The following FAM228B variants were observed in gnomAD, a reference collection of about 807,000 sequenced individuals.
FAM228B encodes the protein family with sequence similarity 228 member B.
In FAM228B, 38 loss-of-function variants were observed where a neutral mutation model predicts 42.6. The observed-to-expected ratio is 0.89, with a 90% CI of 0.69 to 1.17. FAM228B has a LOEUF of 1.17. Among genes scored for constraint, FAM228B ranks in the 50% most tolerant of loss-of-function variants. The probability of loss-of-function intolerance (pLI) is 0.00; values close to 1 mark genes in which losing one functional copy is unlikely to be tolerated. For missense variants in FAM228B, 344 were observed against 367.3 expected, an observed-to-expected ratio of 0.94 and a Z score of 0.52; for synonymous variants, 109 against 122.3, an observed-to-expected ratio of 0.89 and a Z score of 0.72.
intron 5 of FAM228B, 79 bp downstream of exon 5, chr2:24,139,529 T>A: frequency 1.4e-6 from 1 of 720,828 alleles, no homozygotes; most frequent in Non-Finnish European, 2.3e-6. Flanking sequence ...GAGCAGTCCT[T>A]AAGCGATTCC....
chr2:24,128,719 G>A (rs928669451), intron 2 of FAM228B, among the ~76,000 whole-genome samples: 2 of 151,022 alleles, frequency 1.3e-5, no homozygotes, highest in Non-Finnish European at 2.9e-5. Context: ...TTAAGTACAA[G>A]TGCACAGATT....
chr2:24,082,854 T>C (rs1395120548), intron 2 of FAM228B: 4 of 1,573,918 alleles, frequency 2.5e-6, no homozygotes, highest in African/African-American at 1.3e-5. Context: ...TTGAGCCACA[T>C]TGTGTGGAGT....
At chr2:24,156,783 C>G (rs992479911) in intron 7 of FAM228B, among the ~76,000 whole-genome samples, 20 of 125,602 alleles carry the variant, frequency 1.6e-4, no homozygotes, top group East Asian at 6.0e-4. Flanking sequence ...CGCCCCCCCC[C>G]CCCCAGCTTT....
intron 2 of FAM228B, among the ~76,000 whole-genome samples, chr2:24,128,608 T>A (rs1170645552): frequency 6.6e-6 from 1 of 152,200 alleles, no homozygotes; most frequent in East Asian, 1.9e-4. Flanking sequence ...ATTTTCCTAT[T>A]TCTTTGTATG....
At chr2:24,163,883 G>T (rs1667337485) in intron 8 of FAM228B, among the ~76,000 whole-genome samples, 1 of 152,070 alleles carries the variant, frequency 6.6e-6, no homozygotes, top group African/African-American at 2.4e-5. Flanking sequence ...GGTGGAGAAG[G>T]CATATTTGTC....
intron 2 of FAM228B, among the ~76,000 whole-genome samples, chr2:24,086,675 C>G (rs572824881): frequency 3.3e-5 from 5 of 152,238 alleles, no homozygotes; most frequent in African/African-American, 1.2e-4. Context: ...AAGTTTCTAT[C>G]TGCAATCTGG....
rs940473387 is a variant in FAM228B, at chr2:24,115,743, G to A, written c.-120-19376G>A. 7.6e-6 allele frequency: 7 copies of A among 924,618 alleles called. No individual in the cohort carries two copies. In the East Asian group the frequency reaches 1.0e-4, roughly 13 times the overall value. The allele number at this position is 924,618 out of a possible 1,614,324, so 57.3% of individuals were successfully genotyped here. A position where few individuals can be genotyped will look rare whatever the true frequency, so the allele number is the denominator to read the frequency against. On this transcript the variant is annotated intron_variant, in intron 3 of 10. Transcript: ENST00000613899. The stretch of plus-strand genomic sequence containing the variant: ...GTGCTAGGCACTGTGCTAGGTACTG[G>A]AGAAACAAGGGTGACTGGATAGTTG...
chr2:24,156,771 T>C (rs866660048), intron 7 of FAM228B, among the ~76,000 whole-genome samples: 23 of 132,756 alleles, frequency 1.7e-4, no homozygotes, highest in African/African-American at 6.5e-4. Flanking sequence ...TACATTTCTT[T>C]CCGCCCCCCC....
At chr2:24,082,252 A>G (rs937774512) in intron 2 of FAM228B, among the ~76,000 whole-genome samples, 4 of 152,124 alleles carry the variant, frequency 2.6e-5, no homozygotes, top group African/African-American at 9.7e-5. Flanking sequence ...CCAAAGTGCT[A>G]CGATTATAGG....
chr2:24,149,912 T>A (rs1666986483), intron 7 of FAM228B, among the ~76,000 whole-genome samples: 1 of 152,234 alleles, frequency 6.6e-6, no homozygotes, highest in South Asian at 2.1e-4. Flanking sequence ...AAATGCTATC[T>A]TGTAACCCAT....
At chr2:24,104,490 T>C (rs1665667628) in intron 3 of FAM228B, among the ~76,000 whole-genome samples, 1 of 152,146 alleles carries the variant, frequency 6.6e-6, no homozygotes, top group Non-Finnish European at 1.5e-5. Context: ...CCCAGTAGTC[T>C]CACTTCAGCC....
intron 9 of FAM228B, chr2:24,165,642 TG>T: frequency 2.9e-6 from 1 of 345,392 alleles, no homozygotes; most frequent in South Asian, 2.2e-5. Context: ...TGAATGACCA[TG>T]GAAGAGCACA....
At chr2:24,154,600 CT>C (rs1381298997) in intron 7 of FAM228B, among the ~76,000 whole-genome samples, 1 of 152,096 alleles carries the variant, frequency 6.6e-6, no homozygotes, top group Non-Finnish European at 1.5e-5. Flanking sequence ...CAATGTTTTT[CT>C]TTTTTTATCT....
intron 3 of FAM228B, among the ~76,000 whole-genome samples, chr2:24,102,806 T>C (rs1665631384): frequency 6.6e-6 from 1 of 152,176 alleles, no homozygotes; most frequent in African/African-American, 2.4e-5. Flanking sequence ...CTTAACTCAT[T>C]TATGGAAAAC....
intron 2 of FAM228B, among the ~76,000 whole-genome samples, chr2:24,126,876 G>A (rs919651021): frequency 1.3e-5 from 2 of 152,124 alleles, no homozygotes; most frequent in African/African-American, 2.4e-5. Flanking sequence ...TGCCCGCCTC[G>A]GCCTCCCAAA....
chr2:24,161,931 T>A (rs1667296242), intron 8 of FAM228B, among the ~76,000 whole-genome samples: 1 of 152,178 alleles, frequency 6.6e-6, no homozygotes, highest in Non-Finnish European at 1.5e-5. Flanking sequence ...AAACCCTGTC[T>A]CTACTAAAAA....
intron 9 of FAM228B, among the ~76,000 whole-genome samples, chr2:24,167,071 A>G (rs1558397859): frequency 6.6e-6 from 1 of 152,070 alleles, no homozygotes; most frequent in Non-Finnish European, 1.5e-5. Flanking sequence ...GGAGGTCTGG[A>G]GTAGGGGGGA....
At chr2:24,139,658 T>C (rs75208176) in intron 5 of FAM228B, among the ~76,000 whole-genome samples, 4,410 of 152,242 alleles carry the variant, frequency 0.029, 83 homozygotes, top group African/African-American at 0.055. Context: ...TGGATAATGA[T>C]TGGGTAATAG....
chr2:24,155,249 G>A (rs1667107966), intron 7 of FAM228B, among the ~76,000 whole-genome samples: 1 of 151,902 alleles, frequency 6.6e-6, no homozygotes, highest in Non-Finnish European at 1.5e-5. Flanking sequence ...GGCATACAGT[G>A]AGTTCCAGTC....
Sources: gnomAD v4.1 joint callset for allele counts (sites outside exome capture counted in the v4.1 genomes callset) on GRCh38, gnomAD v4.1.1 for gene constraint, MANE v1.5 for transcripts, NCBI Gene and HGNC (gene_info 2026-07-23, HGNC 2026-07-21) for gene names.